SIM2: variants seen among roughly 807,000 people sequenced by gnomAD.
SIM2 encodes the protein single-minded homolog 2.
SIM2 carries 28 observed loss-of-function variants against 64.8 expected under a neutral mutation model. The ratio of observed to expected loss-of-function variants is 0.43; its 90% confidence interval spans 0.32 to 0.59. SIM2 has a LOEUF of 0.59. Among genes scored for constraint, SIM2 ranks in the 20% least tolerant of loss-of-function variants. The pLI is 0.07. For synonymous variants in SIM2, 408 were observed against 391.1 expected (o/e 1.04, Z -0.51); for missense variants, 847 against 871.4 (o/e 0.97, Z 0.35).
At chr21:36,744,566 C>T (rs924654470) in intron 9 of SIM2, among the ~76,000 whole-genome samples, 162 bp from the exon 10 acceptor site, 8 of 152,170 alleles carry the variant, frequency 5.3e-5, no homozygotes, top group African/African-American at 1.4e-4. Context: ...ACTGGGGTAT[C>T]GCTCGCTGTG....
intron 7 of SIM2, among the ~76,000 whole-genome samples, chr21:36,737,055 TAGCTGGGACTAC>T (rs945927852): frequency 3.9e-5 from 6 of 152,036 alleles, no homozygotes; most frequent in Non-Finnish European, 8.8e-5. Context: ...GCCTCCTGAG[TAGCTGGGACTAC>T]AGGCATGTAC....
At chr21:36,716,562 T>G (rs1366953152) in intron 3 of SIM2, among the ~76,000 whole-genome samples, 1 of 152,224 alleles carries the variant, frequency 6.6e-6, no homozygotes, top group Non-Finnish European at 1.5e-5. Flanking sequence ...CAAACCATCT[T>G]GTTTTAAAAT....
chr21:36,727,660 G>A (rs550406109), intron 6 of SIM2, among the ~76,000 whole-genome samples: 1 of 152,308 alleles, frequency 6.6e-6, no homozygotes, highest in South Asian at 2.1e-4. Flanking sequence ...TCGGGAATAA[G>A]CCATCAGAGA....
At chr21:36,719,088 C>T (rs1381000478) in intron 3 of SIM2, among the ~76,000 whole-genome samples, 1 of 152,216 alleles carries the variant, frequency 6.6e-6, no homozygotes, top group Non-Finnish European at 1.5e-5. Context: ...AACCCCAGGA[C>T]ATAATCCCCA....
At chr21:36,710,841 T>C (rs1034463412) in intron 2 of SIM2, among the ~76,000 whole-genome samples, 5 of 152,224 alleles carry the variant, frequency 3.3e-5, no homozygotes, top group Non-Finnish European at 7.3e-5. Context: ...CTGGGAGCCC[T>C]GCCCAGGCGG....
intron 3 of SIM2, among the ~76,000 whole-genome samples, chr21:36,713,971 G>A (rs2243490): frequency 0.79 from 119,713 of 152,270 alleles, 47,867 homozygotes; most frequent in African/African-American, 0.94. Flanking sequence ...TATGTGACTC[G>A]TGGGATTAGT....
At chr21:36,741,661 T>G in intron 7 of SIM2, 56 bp from the exon 8 acceptor site, 1 of 1,594,410 alleles carries the variant, frequency 6.3e-7, no homozygotes, top group Non-Finnish European at 8.5e-7. Context: ...GGGGGCAGCA[T>G]CCCAGAGGTG....
intron 7 of SIM2, among the ~76,000 whole-genome samples, chr21:36,737,103 G>GT (rs1401685953): frequency 1.3e-5 from 2 of 152,010 alleles, no homozygotes; most frequent in East Asian, 1.9e-4. Context: ...ATTTTTAAAT[G>GT]TTTTTGGTAA....
chr21:36,703,119 C>T (rs1011780824), intron 1 of SIM2, among the ~76,000 whole-genome samples: 42 of 152,280 alleles, frequency 2.8e-4, no homozygotes, highest in African/African-American at 1.0e-3. Context: ...TCTCACTCCA[C>T]TGCACCCAGG....
chr21:36,700,860 T>C (rs2088482755), intron 1 of SIM2, among the ~76,000 whole-genome samples: 2 of 152,236 alleles, frequency 1.3e-5, no homozygotes, highest in Admixed American at 6.5e-5. Flanking sequence ...AATGTGCCAG[T>C]GGGCCAGGGG....
At chr21:36,742,289 C>G (rs2089172021) in intron 8 of SIM2, among the ~76,000 whole-genome samples, 1 of 152,064 alleles carries the variant, frequency 6.6e-6, no homozygotes, top group Non-Finnish European at 1.5e-5. Context: ...CTGTTTGAGA[C>G]AGGAAATATC....
chr21:36,702,948 A>T (rs2088525164), intron 1 of SIM2, among the ~76,000 whole-genome samples: 1 of 151,544 alleles, frequency 6.6e-6, no homozygotes, highest in African/African-American at 2.4e-5. Flanking sequence ...GGAAGAAAAA[A>T]AAAAAAAGAA....
chr21:36,700,074 G>C (rs1601679602), intron 1 of SIM2, among the ~76,000 whole-genome samples, 153 bp downstream of exon 1: 1 of 152,296 alleles, frequency 6.6e-6, no homozygotes, highest in South Asian at 2.1e-4. Flanking sequence ...CTTCGGCTTC[G>C]GCGCTGGCTT....
chr21:36,744,772 C>T lies in SIM2; in HGVS notation c.1212C>T (p.Leu404=), dbSNP rs370761873. 2.0e-5 allele frequency: 33 copies of T among 1,612,156 alleles called. No homozygotes were observed. The highest frequency in any genetic ancestry group is 9.3e-5 in the African/African-American group (7 of 74,916). ...TGGACAAACTGGAATGCGGCCAGCTCGGAAACTGGAGAGCCAGTCCCCCTG... is the reference window on the plus strand; with the variant it reads ...TGGACAAACTGGAATGCGGCCAGCTTGGAAACTGGAGAGCCAGTCCCCCTG... ...FQMDKLECGQ[L]GNWRASPPAS... Residue 404 remains leucine (L), a synonymous_variant, in exon 10 of 11, where the codon CTC becomes CTT. Coordinates refer to ENST00000290399, the MANE Select transcript of SIM2 (RefSeq NM_005069.6).
At chr21:36,704,986 TC>T (rs2088559141) in intron 1 of SIM2, among the ~76,000 whole-genome samples, 2 of 152,214 alleles carry the variant, frequency 1.3e-5, no homozygotes, top group Admixed American at 6.5e-5. Flanking sequence ...TTTACTGGGA[TC>T]CTTTTGTGGG....
intron 10 of SIM2, among the ~76,000 whole-genome samples, chr21:36,746,947 G>A (rs2123512606): frequency 6.6e-6 from 1 of 152,292 alleles, no homozygotes; most frequent in Non-Finnish European, 1.5e-5. Context: ...GACCAAAGGT[G>A]CTAATTTGAG....
chr21:36,718,368 C>T (rs1470930442), intron 3 of SIM2, among the ~76,000 whole-genome samples: 1 of 152,182 alleles, frequency 6.6e-6, no homozygotes, highest in Non-Finnish European at 1.5e-5. Flanking sequence ...CGTGAGGTGG[C>T]ACCGTCAGGA....
chr21:36,715,756 A>T (rs938764887), intron 3 of SIM2, among the ~76,000 whole-genome samples: 3 of 152,216 alleles, frequency 2.0e-5, no homozygotes, highest in Non-Finnish European at 4.4e-5. Flanking sequence ...TCTAACCTCT[A>T]CTAAATGACT....
At position 36,709,095 on chromosome 21, in the gene SIM2, G is replaced by T. The variant is rs994528631; in HGVS notation, c.176-73G>T. 25 of 1,377,726 alleles carry T rather than the reference G, an allele frequency of 1.8e-5. No individual in the cohort carries two copies. The Middle Eastern group carries it at 5.8e-4, about 32-fold the overall frequency. The allele number at this position is 1,377,726 out of a possible 1,614,324, so 85.3% of individuals were successfully genotyped here. A position where few individuals can be genotyped will look rare whatever the true frequency, so the allele number is the denominator to read the frequency against. ...AGGGCTGGCAGGGTGCAGGGGTTCCGCGTGACCTGCCCGGCTCCCAGGCAT... is the reference window on the plus strand; with the variant it reads ...AGGGCTGGCAGGGTGCAGGGGTTCCTCGTGACCTGCCCGGCTCCCAGGCAT... On this transcript the variant is annotated intron_variant, in intron 1 of 10. Coordinates refer to ENST00000290399, the MANE Select transcript of SIM2 (RefSeq NM_005069.6).
Sources: allele counts gnomAD v4.1 joint callset (sites outside exome capture counted in the v4.1 genomes callset), GRCh38; gene constraint gnomAD v4.1.1; transcripts MANE v1.5; gene names NCBI Gene and HGNC (gene_info 2026-07-23, HGNC 2026-07-21).